The following RANBP2 variants were observed in gnomAD, a reference collection of about 807,000 sequenced individuals.
RANBP2 encodes RAN binding protein 2.
A neutral mutation model predicts 303.6 loss-of-function variants in RANBP2; 57 were observed. That is an observed-to-expected ratio of 0.19 (90% CI 0.15 to 0.23). The LOEUF is 0.23. Among genes scored for constraint, RANBP2 ranks in the 10% least tolerant of loss-of-function variants. The pLI, the probability that RANBP2 is intolerant of heterozygous loss-of-function variation, is 1.00. For synonymous variants in RANBP2, 1,167 were observed against 1,301.5 expected (o/e 0.90, Z 2.23); for missense variants, 3,138 against 3,780.8 (o/e 0.83, Z 4.46).
the RANBP2 span, among the ~76,000 whole-genome samples, chr2:109,211,110 A>G: frequency 3.9e-5 from 6 of 152,150 alleles, no homozygotes; most frequent in East Asian, 1.9e-4. Flanking sequence ...ATGTGTGTCT[A>G]TGGGGCCTCT....
At chr2:109,232,647 A>G in the RANBP2 span, among the ~76,000 whole-genome samples, 2 of 152,110 alleles carry the variant, frequency 1.3e-5, no homozygotes, top group South Asian at 4.1e-4. Context: ...GAAAGGGGTG[A>G]TTGATTAACA....
the RANBP2 span, among the ~76,000 whole-genome samples, chr2:109,368,429 A>C: frequency 6.6e-6 from 1 of 152,158 alleles, no homozygotes; most frequent in South Asian, 2.1e-4. Flanking sequence ...GGATTAGAGA[A>C]CTAATTTTAT....
rs529563227 is a variant in RANBP2 at position 108,777,154 on chromosome 2, G to C, written c.8522G>C (p.Gly2841Ala). 1 of 1,613,394 alleles carries C rather than the reference G, an allele frequency of 6.2e-7. No homozygotes were observed. Among genetic ancestry groups the C allele is most frequent in the Admixed American group, 1.7e-5 (1 of 60,020 alleles). Residue 2841 changes from glycine to alanine, a missense_variant, in exon 25 of 29, where the codon GGA becomes GCA. Physicochemically the swap from Gly to Ala is moderately conservative, Grantham distance 60. Transcript: ENST00000283195. ...GGGGAAAGCAAGATAGTTTCATTTG[G>C]ATTTGGAAGTAGCACAGGGCTCTCA... ...SQGESKIVSF[G>A]FGSSTGLSFA...
the RANBP2 span, among the ~76,000 whole-genome samples, chr2:109,077,002 GC>G: frequency 6.6e-6 from 1 of 150,530 alleles, no homozygotes; most frequent in Non-Finnish European, 1.5e-5. Context: ...ATACTGCAAA[GC>G]CATACTAATC....
Position 108,771,840 on chromosome 2 carries a change from A to T in RANBP2, c.7989A>T (p.Arg2663Ser), listed in dbSNP as rs371440272. 6.2e-7 allele frequency: 1 copy of T among 1,613,960 alleles called. No individual in the cohort carries two copies. The highest frequency in any genetic ancestry group is 1.3e-5 in the African/African-American group (1 of 74,936). ...LPPTFFCYKN[R>S]PDYVSEEEED... ...CAACTTTCTTCTGCTACAAGAATAG[A>T]CCAGATTATGTTAGTGAAGAAGAGG... The change falls in exon 21 of 29, where the codon AGA (arginine) becomes AGT (serine). Residue 2663 changes from arginine (R) to serine (S), a missense_variant. Coordinates refer to ENST00000283195, the MANE Select transcript of RANBP2 (RefSeq NM_006267.5).
the RANBP2 span, among the ~76,000 whole-genome samples, chr2:109,742,196 C>T: frequency 6.0e-5 from 5 of 82,716 alleles, no homozygotes; most frequent in South Asian, 5.1e-4. Flanking sequence ...CCGGGATGGG[C>T]GGATCACCTG....
At chr2:109,299,526 A>G in the RANBP2 span, among the ~76,000 whole-genome samples, 1 of 152,070 alleles carries the variant, frequency 6.6e-6, no homozygotes, top group Non-Finnish European at 1.5e-5. Context: ...CTTGCACCCC[A>G]GGACAGGAGG....
the RANBP2 span, among the ~76,000 whole-genome samples, chr2:109,047,610 A>G: frequency 6.6e-6 from 1 of 152,338 alleles, no homozygotes; most frequent in Admixed American, 6.5e-5. Context: ...GGAATTTGAG[A>G]CCAGCCTGGC....
the RANBP2 span, among the ~76,000 whole-genome samples, chr2:109,475,643 C>T: frequency 6.6e-6 from 1 of 152,236 alleles, no homozygotes; most frequent in Non-Finnish European, 1.5e-5. Context: ...GGACTGTGCT[C>T]TGCATTGTAG....
At chr2:109,065,255 C>A in the RANBP2 span, among the ~76,000 whole-genome samples, 1 of 152,214 alleles carries the variant, frequency 6.6e-6, no homozygotes, top group Non-Finnish European at 1.5e-5. Flanking sequence ...AGAGGTTTGA[C>A]TGAGATTTCC....
chr2:109,466,540 T>G, the RANBP2 span, among the ~76,000 whole-genome samples: 1 of 152,236 alleles, frequency 6.6e-6, no homozygotes, highest in Non-Finnish European at 1.5e-5. Flanking sequence ...GTTTTCTCAT[T>G]CTCTTGACAG....
the RANBP2 span, among the ~76,000 whole-genome samples, chr2:109,358,027 A>G: frequency 3.3e-5 from 5 of 152,146 alleles, no homozygotes; most frequent in African/African-American, 4.8e-5. Context: ...ACTGCCCTGA[A>G]AATCCTCTGA....
At chr2:109,031,664 A>G in the RANBP2 span, among the ~76,000 whole-genome samples, 1 of 152,088 alleles carries the variant, frequency 6.6e-6, no homozygotes, top group Non-Finnish European at 1.5e-5. Context: ...GGAGGAACGG[A>G]GAGCGCCGCT....
At chr2:108,971,812 C>T in the RANBP2 span, among the ~76,000 whole-genome samples, 20 of 152,290 alleles carry the variant, frequency 1.3e-4, 1 homozygote, top group Middle Eastern at 3.4e-3. Context: ...CCTGTGTGAA[C>T]GGGCTGGATT....
At chr2:109,151,857 A>G in the RANBP2 span, among the ~76,000 whole-genome samples, 1 of 152,250 alleles carries the variant, frequency 6.6e-6, no homozygotes, top group Non-Finnish European at 1.5e-5. Context: ...ATTTCCTATG[A>G]TTTCCGAATT....
chr2:109,708,927 A>C, the RANBP2 span, among the ~76,000 whole-genome samples: 2 of 151,940 alleles, frequency 1.3e-5, no homozygotes, highest in Non-Finnish European at 2.9e-5. Context: ...CAGTGAGCTG[A>C]GATTGTGCAG....
the RANBP2 span, among the ~76,000 whole-genome samples, chr2:109,215,046 G>A: frequency 1.3e-5 from 2 of 152,210 alleles, no homozygotes; most frequent in African/African-American, 4.8e-5. Flanking sequence ...CTTCTAACCA[G>A]TAAAGCTGTC....
the RANBP2 span, among the ~76,000 whole-genome samples, chr2:108,952,843 G>A: frequency 6.6e-6 from 1 of 152,072 alleles, no homozygotes; most frequent in Non-Finnish European, 1.5e-5. Flanking sequence ...TTTTACTCTG[G>A]GCAAGTGTCA....
chr2:109,112,880 T>C, the RANBP2 span, among the ~76,000 whole-genome samples: 2,175 of 152,316 alleles, frequency 0.014, 72 homozygotes, highest in African/African-American at 0.049. Context: ...GCACCATTTA[T>C]TAAATAGGGA....
Sources: gnomAD v4.1 joint callset for allele counts (sites outside exome capture counted in the v4.1 genomes callset) on GRCh38, gnomAD v4.1.1 for gene constraint, MANE v1.5 for transcripts, NCBI Gene and HGNC (gene_info 2026-07-23, HGNC 2026-07-21) for gene names.